Variants in CNTN5 observed in about 807,000 individuals in gnomAD.
The protein encoded by CNTN5 is contactin-5.
CNTN5 carries 77 observed loss-of-function variants against 129.1 expected under a neutral mutation model. The observed-to-expected ratio is 0.60, with a 90% CI of 0.50 to 0.72. The LOEUF is 0.72. CNTN5 is among the 30% of genes least tolerant of loss of function. The probability of loss-of-function intolerance (pLI) is 0.00; values close to 1 mark genes in which losing one functional copy is unlikely to be tolerated. For missense variants in CNTN5, 1,478 were observed against 1,328.8 expected (o/e 1.11, Z -1.75); for synonymous variants, 509 against 465.6 (o/e 1.09, Z -1.20).
chr11:99,923,765 A>ATCTG (rs1412352420), intron 7 of CNTN5, among the ~76,000 whole-genome samples: 6 of 144,608 alleles, frequency 4.1e-5, no homozygotes, highest in Admixed American at 6.9e-5. Flanking sequence ...CTGTCTATCT[A>ATCTG]TCTATCTATC....
chr11:99,323,740 A>G (rs1340898952), intron 1 of CNTN5, among the ~76,000 whole-genome samples: 2 of 152,174 alleles, frequency 1.3e-5, no homozygotes, highest in Admixed American at 6.6e-5. Context: ...TGTTTGCTTA[A>G]GTAACTATCA....
At chr11:99,860,236 A>G (rs1182688991) in intron 6 of CNTN5, among the ~76,000 whole-genome samples, 2 of 151,826 alleles carry the variant, frequency 1.3e-5, no homozygotes, top group African/African-American at 4.8e-5. Flanking sequence ...TAGTATACAG[A>G]TATTTTCTCT....
intron 1 of CNTN5, among the ~76,000 whole-genome samples, chr11:99,181,143 T>G (rs1162550758): frequency 6.6e-6 from 1 of 152,124 alleles, no homozygotes; most frequent in Non-Finnish European, 1.5e-5. Context: ...CAGTGATGTT[T>G]GTAAGCATCT....
chr11:99,494,236 C>T (rs779197548), intron 2 of CNTN5, among the ~76,000 whole-genome samples: 1 of 152,138 alleles, frequency 6.6e-6, no homozygotes, highest in Non-Finnish European at 1.5e-5. Context: ...GATGGAATGC[C>T]TCTTAATCTT....
chr11:100,024,312 C>T (rs367771210), intron 9 of CNTN5, among the ~76,000 whole-genome samples: 20 of 152,130 alleles, frequency 1.3e-4, no homozygotes, highest in African/African-American at 4.3e-4. Flanking sequence ...TGTAAGTTTC[C>T]TGAGGCCTCC....
At chr11:99,242,053 A>G (rs1454364270) in intron 1 of CNTN5, among the ~76,000 whole-genome samples, 1 of 152,192 alleles carries the variant, frequency 6.6e-6, no homozygotes, top group Admixed American at 6.5e-5. Context: ...ATGATGGTAA[A>G]TGCCATTTTA....
At chr11:99,432,486 T>TTTTCTTTTCTTTTC in intron 2 of CNTN5, among the ~76,000 whole-genome samples, 1 of 139,866 alleles carries the variant, frequency 7.1e-6, no homozygotes, top group Non-Finnish European at 1.6e-5. Context: ...TTTTCTTTTC[T>TTTTCTTTTCTTTTC]TTTCTTTTCT....
intron 18 of CNTN5, among the ~76,000 whole-genome samples, chr11:100,286,948 A>G (rs1311273461): frequency 2.0e-5 from 3 of 152,172 alleles, no homozygotes; most frequent in African/African-American, 2.4e-5. Context: ...CTCGAGAACT[A>G]CGTGAAGAAT....
chr11:99,162,960 A>G (rs1039137480), intron 1 of CNTN5, among the ~76,000 whole-genome samples: 2 of 152,202 alleles, frequency 1.3e-5, no homozygotes, highest in African/African-American at 4.8e-5. Context: ...GTCAGGTGAT[A>G]GACTTCTTTT....
intron 3 of CNTN5, among the ~76,000 whole-genome samples, chr11:99,724,266 C>T (rs1303758891): frequency 6.6e-6 from 1 of 152,082 alleles, no homozygotes; most frequent in Non-Finnish European, 1.5e-5. Context: ...ATTTTCTGTT[C>T]TCTGCTTTTA....
intron 20 of CNTN5, among the ~76,000 whole-genome samples, chr11:100,301,086 T>A (rs952370333): frequency 2.6e-5 from 4 of 151,642 alleles, no homozygotes; most frequent in Admixed American, 2.6e-4. Flanking sequence ...TCATCAGGAA[T>A]GTACACAATA....
chr11:99,407,701 A>C (rs939961514), intron 2 of CNTN5, among the ~76,000 whole-genome samples: 7 of 152,124 alleles, frequency 4.6e-5, no homozygotes, highest in Admixed American at 4.6e-4. Flanking sequence ...AGTGGCCTTT[A>C]GCTTGTAGTG....
At chr11:100,077,012 G>A (rs944068334) in intron 13 of CNTN5, among the ~76,000 whole-genome samples, 7 of 152,058 alleles carry the variant, frequency 4.6e-5, no homozygotes, top group African/African-American at 1.7e-4. Flanking sequence ...TTGAAAAATT[G>A]TACATTCTAA....
chr11:100,335,183 G>A, intron 21 of CNTN5, among the ~76,000 whole-genome samples: 1 of 151,938 alleles, frequency 6.6e-6, no homozygotes, highest in East Asian at 1.9e-4. Flanking sequence ...TTTAACAAGT[G>A]TGAAAAATTG....
chr11:99,912,453 T>G (rs1003813139), intron 6 of CNTN5, among the ~76,000 whole-genome samples: 1 of 151,952 alleles, frequency 6.6e-6, no homozygotes, highest in African/African-American at 2.4e-5. Context: ...TGTATATCCT[T>G]TACAGTTTTT....
At chr11:99,991,384 C>T (rs1031808437) in intron 8 of CNTN5, among the ~76,000 whole-genome samples, 4 of 151,956 alleles carry the variant, frequency 2.6e-5, no homozygotes, top group Non-Finnish European at 4.4e-5. Flanking sequence ...GGAGAATGGC[C>T]TGAACCCGGG....
intron 1 of CNTN5, among the ~76,000 whole-genome samples, chr11:99,323,210 G>T (rs1865640289): frequency 6.6e-6 from 1 of 152,184 alleles, no homozygotes; most frequent in Admixed American, 6.5e-5. Flanking sequence ...ATTACCCCCA[G>T]AAATGCTAAA....
At chr11:99,461,386 A>T (rs1427877246) in intron 2 of CNTN5, among the ~76,000 whole-genome samples, 3 of 152,080 alleles carry the variant, frequency 2.0e-5, no homozygotes, top group Non-Finnish European at 2.9e-5. Context: ...TCATTCACTT[A>T]TAACTAAAAT....
At chr11:99,084,114 G>A (rs749063041) in intron 1 of CNTN5, among the ~76,000 whole-genome samples, 6 of 152,112 alleles carry the variant, frequency 3.9e-5, no homozygotes, top group Non-Finnish European at 8.8e-5. Flanking sequence ...GTATCCACAC[G>A]TGCTACACTT....
Sources: gnomAD v4.1 joint callset for allele counts (sites outside exome capture counted in the v4.1 genomes callset) on GRCh38, gnomAD v4.1.1 for gene constraint, MANE v1.5 for transcripts, NCBI Gene and HGNC (gene_info 2026-07-23, HGNC 2026-07-21) for gene names.